The following RALGPS1 variants were observed in gnomAD, a reference collection of about 807,000 sequenced individuals.
The protein encoded by RALGPS1 is Ral GEF with PH domain and SH3 binding motif 1.
Under a neutral mutation model 78.8 loss-of-function variants are expected in RALGPS1, and 19 were observed. The ratio of observed to expected loss-of-function variants is 0.24; its 90% CI spans 0.17 to 0.35. RALGPS1 has a LOEUF of 0.35. Among genes scored for constraint, RALGPS1 ranks in the 10% least tolerant of loss-of-function variants. RALGPS1 has a pLI of 1.00. For missense variants in RALGPS1, 454 were observed against 688.3 expected, an observed-to-expected ratio of 0.66 and a Z score of 3.81; for synonymous variants, 228 against 256.3, an observed-to-expected ratio of 0.89 and a Z score of 1.06.
At chr9:127,166,821 TGGTG>T (rs1471867139) in intron 9 of RALGPS1, among the ~76,000 whole-genome samples, 1 of 152,060 alleles carries the variant, frequency 6.6e-6, no homozygotes, top group Non-Finnish European at 1.5e-5. Context: ...GTGCCCATGA[TGGTG>T]GGGTGTGTAA....
intron 4 of RALGPS1, among the ~76,000 whole-genome samples, chr9:127,017,190 G>A (rs1025297298): frequency 6.6e-6 from 1 of 152,182 alleles, no homozygotes; most frequent in Non-Finnish European, 1.5e-5. Flanking sequence ...TTTTGCCCTA[G>A]TGTGAACACC....
chr9:127,168,459 C>A (rs755349221), intron 9 of RALGPS1, among the ~76,000 whole-genome samples: 7 of 152,156 alleles, frequency 4.6e-5, no homozygotes, highest in Non-Finnish European at 7.4e-5. Context: ...GAGGCCCGGT[C>A]ATCTGGGGGG....
chr9:126,951,227 T>G (rs2037784360), intron 1 of RALGPS1, among the ~76,000 whole-genome samples: 1 of 148,742 alleles, frequency 6.7e-6, no homozygotes, highest in Admixed American at 6.7e-5. Flanking sequence ...ACAGCCGAAT[T>G]CTACCAGAGG....
Position 127,218,250 on chromosome 9 carries a change from G to A in RALGPS1, c.1645-490G>A, listed in dbSNP as rs925963359. Among the ~76,000 whole-genome samples, 54 of 152,104 alleles carry A rather than the reference G, an allele frequency of 3.6e-4. No homozygotes were observed. Among genetic ancestry groups the A allele is most frequent in the Admixed American group, 2.4e-3 (36 of 15,276 alleles). On this transcript the variant is annotated intron_variant, in intron 18 of 18. Transcript: ENST00000259351. This position sits in a 1 kb window ranked among gnomAD's most constrained non-coding sequence, Gnocchi z 4.4. ...GAGGGCAGAGCTGTGGGAAGGTCTT[G>A]GGGTTTCTGATATCCCTGAACTGAC...
At chr9:126,959,726 C>G (rs874799) in intron 1 of RALGPS1, among the ~76,000 whole-genome samples, 57,491 of 152,024 alleles carry the variant, frequency 0.38, 12,686 homozygotes, top group Non-Finnish European at 0.48. Context: ...TTTGCCTTGT[C>G]TCTACTCACA....
chr9:126,976,546 A>C (rs1374164046), intron 3 of RALGPS1, among the ~76,000 whole-genome samples: 2 of 152,128 alleles, frequency 1.3e-5, no homozygotes. Flanking sequence ...CCCATAAAAT[A>C]GGGATTATTG....
chr9:126,992,600 T>C (rs1185391427), intron 4 of RALGPS1, among the ~76,000 whole-genome samples: 1 of 152,186 alleles, frequency 6.6e-6, no homozygotes, highest in Admixed American at 6.6e-5. Flanking sequence ...GTAGATCCAT[T>C]TGGGGAGAAT....
At chr9:127,041,190 T>G (rs1211570443) in intron 5 of RALGPS1, among the ~76,000 whole-genome samples, 2 of 152,018 alleles carry the variant, frequency 1.3e-5, no homozygotes, top group Non-Finnish European at 2.9e-5. Flanking sequence ...CTCCTGGATT[T>G]AAGCGATTCT....
chr9:126,939,484 A>G (rs969530116), intron 1 of RALGPS1, among the ~76,000 whole-genome samples: 3 of 152,236 alleles, frequency 2.0e-5, no homozygotes, highest in African/African-American at 7.2e-5. Context: ...CTTAACACAT[A>G]TAGAGCACTT....
chr9:126,973,687 A>G (rs1213462140), intron 3 of RALGPS1, among the ~76,000 whole-genome samples: 1 of 152,158 alleles, frequency 6.6e-6, no homozygotes, highest in Non-Finnish European at 1.5e-5. Flanking sequence ...GTGTCATGTA[A>G]CCAATCTCCA....
At chr9:127,084,621 G>C (rs1396872693) in intron 8 of RALGPS1, among the ~76,000 whole-genome samples, 1 of 152,170 alleles carries the variant, frequency 6.6e-6, no homozygotes, top group East Asian at 1.9e-4. Context: ...CCTCTCACTT[G>C]ACTGAAGGTG....
intron 5 of RALGPS1, among the ~76,000 whole-genome samples, chr9:127,041,560 C>G (rs2047324652): frequency 6.6e-6 from 1 of 152,118 alleles, no homozygotes. Context: ...AGTAATCTTG[C>G]TTTTCTCAGC....
At chr9:127,034,402 A>G (rs962982132) in intron 4 of RALGPS1, 29 bp from the exon 5 acceptor site, 2 of 1,594,710 alleles carry the variant, frequency 1.3e-6, no homozygotes, top group Admixed American at 1.7e-5. Context: ...AACTAGAATC[A>G]CTGTTGAAAT....
At chr9:126,999,416 A>C (rs779926363) in intron 4 of RALGPS1, among the ~76,000 whole-genome samples, 19 of 152,224 alleles carry the variant, frequency 1.2e-4, no homozygotes, top group African/African-American at 1.7e-4. Context: ...AATCACATGC[A>C]TCTGCCATTA....
At chr9:127,128,583 G>A (rs1281155) in intron 8 of RALGPS1, among the ~76,000 whole-genome samples, 70,962 of 152,020 alleles carry the variant, frequency 0.47, 17,236 homozygotes, top group Non-Finnish European at 0.51. Context: ...GGAGTGTCCA[G>A]GCATCAAGAA....
chr9:127,008,657 A>C (rs2044076738), intron 4 of RALGPS1, among the ~76,000 whole-genome samples: 1 of 152,220 alleles, frequency 6.6e-6, no homozygotes, highest in South Asian at 2.1e-4. Context: ...AGTAGCCTGA[A>C]TTATGGTACA....
At chr9:127,042,199 G>T (rs1210140360) in intron 5 of RALGPS1, among the ~76,000 whole-genome samples, 2 of 151,510 alleles carry the variant, frequency 1.3e-5, no homozygotes, top group Admixed American at 6.6e-5. Flanking sequence ...TTATAATTCC[G>T]CCGTGGCATG....
At chr9:127,177,994 T>A in intron 11 of RALGPS1, 1 of 1,539,936 alleles carries the variant, frequency 6.5e-7, no homozygotes, top group Non-Finnish European at 8.8e-7. Flanking sequence ...GAAGAGACTT[T>A]AATGAACAGA....
chr9:127,222,695 A>G lies in RALGPS1; in HGVS notation c.*3926A>G, dbSNP rs1398991977. Reference sequence around the variant, plus strand: ...TATCCATTGCTGAACGACTGTGACTATTCAGTAACGAAGTAATAGTAATTA... The same window carrying G: ...TATCCATTGCTGAACGACTGTGACTGTTCAGTAACGAAGTAATAGTAATTA... On this transcript the variant is annotated 3_prime_UTR_variant, in exon 19 of 19. Transcript: ENST00000259351. 1.3e-5 allele frequency: 2 copies of G among 152,660 alleles called. No homozygotes were observed. The highest frequency in any genetic ancestry group is 6.5e-5 in the Admixed American group (1 of 15,290). 9.5% of individuals were successfully genotyped at this position (152,660 alleles called of 1,614,324 possible).
Sources: allele counts gnomAD v4.1 joint callset (sites outside exome capture counted in the v4.1 genomes callset), GRCh38; gene constraint gnomAD v4.1.1; non-coding constraint Gnocchi (gnomAD v3.1); transcripts MANE v1.5; gene names NCBI Gene and HGNC (gene_info 2026-07-23, HGNC 2026-07-21).